Variants in SEMA3B observed in about 807,000 individuals in gnomAD.
SEMA3B encodes the protein semaphorin-3B.
SEMA3B carries 71 observed loss-of-function variants against 77.8 expected under a neutral mutation model. That is an observed-to-expected ratio of 0.91 (90% CI 0.75 to 1.11). The LOEUF (loss-of-function observed/expected upper bound fraction) is 1.11, where lower values mean the gene tolerates loss of function less well. Ranked by LOEUF, SEMA3B falls within the 50% of genes most tolerant of loss-of-function variation. The pLI is 0.00. For synonymous variants in SEMA3B, 470 were observed against 452.9 expected, an observed-to-expected ratio of 1.04 and a Z score of -0.48; for missense variants, 968 against 1,056.8, an observed-to-expected ratio of 0.92 and a Z score of 1.17.
Position 50,276,323 on chromosome 3 carries a change from G to C in SEMA3B, c.1867G>C (p.Glu623Gln). Reference sequence around the variant, plus strand: ...GCAGGTGCTGGCAGAGGAGCGCACCGAGCGCACCGCCCGGGGACTACTGCT... The same window carrying C: ...GCAGGTGCTGGCAGAGGAGCGCACCCAGCGCACCGCCCGGGGACTACTGCT... ...HTQVLAEERT[E>Q]RTARGLLLRR... Residue 623 changes from glutamate (E) to glutamine (Q), a missense_variant, in exon 17 of 17, where the codon GAG becomes CAG. By Grantham distance (29) the Glu-to-Gln change is conservative (BLOSUM62 2). Transcript: ENST00000616701. This position sits in a 1 kb window ranked among gnomAD's most constrained non-coding sequence, Gnocchi z 5.8. 3 of 1,523,452 alleles carry C rather than the reference G, an allele frequency of 2.0e-6. No individual in the cohort carries two copies. The highest frequency in any genetic ancestry group is 1.2e-5 in the South Asian group (1 of 83,198). The allele number at this position is 1,523,452 out of a possible 1,614,324, so 94.4% of individuals were successfully genotyped here.
At position 50,275,308 on chromosome 3, in the gene SEMA3B, C is replaced by T; in HGVS notation, c.1498C>T (p.Leu500=). 1.3e-6 allele frequency: 2 copies of T among 1,566,568 alleles called. No homozygotes were observed. Among genetic ancestry groups the T allele is most frequent in the African/African-American group, 1.4e-5 (1 of 73,938 alleles). The part of the protein sequence containing the change: ...SMQISSKRHQ[L]YVASRSAVAQ... ...AGCCCCTCGTGCCCCCTAGCACCAGCTGTACGTAGCCTCGCGGAGCGCGGT... is the reference window on the plus strand; with the variant it reads ...AGCCCCTCGTGCCCCCTAGCACCAGTTGTACGTAGCCTCGCGGAGCGCGGT... The change falls in exon 14 of 17, where the codon CTG becomes TTG. Residue 500 remains leucine, a synonymous_variant. Transcript: ENST00000616701. The surrounding 1 kb of genome is among the most constrained non-coding windows in gnomAD (Gnocchi z 7.5).
In SEMA3B at chr3:50,273,849, A is replaced by T. The variant is rs1701131715; in HGVS notation, c.992+21A>T. 6.4e-7 allele frequency: 1 copy of T among 1,567,192 alleles called. No individual in the cohort carries two copies. The highest frequency in any genetic ancestry group is 8.7e-7 in the Non-Finnish European group (1 of 1,154,846). On this transcript the variant is annotated intron_variant, in intron 9 of 16. Coordinates refer to ENST00000616701, the MANE Select transcript of SEMA3B (RefSeq NM_001290060.2). The surrounding 1 kb of genome is among the most constrained non-coding windows in gnomAD (Gnocchi z 6.5). ...TCCAGGTGAGGGGCAGGAGGTAGGG[A>T]GCGCCCGGGGCGGGCCGCTGGGCTC... is the stretch of plus-strand genomic sequence containing the variant.
Position 50,276,084 on chromosome 3 carries a change from C to A in SEMA3B, c.1846-218C>A, listed in dbSNP as rs1256172246. Reference sequence around the variant, plus strand: ...CGACCCTCCCATTAAGGTCCCTGACCACCCCCCACCAAGTTCATGTAAACC... The same window carrying A: ...CGACCCTCCCATTAAGGTCCCTGACAACCCCCCACCAAGTTCATGTAAACC... On this transcript the variant is annotated intron_variant, in intron 16 of 16. Transcript: ENST00000616701. This position sits in a 1 kb window ranked among gnomAD's most constrained non-coding sequence, Gnocchi z 5.8. 1.3e-6 allele frequency: 1 copy of A among 784,126 alleles called. No homozygotes were observed. Among genetic ancestry groups the A allele is most frequent in the Non-Finnish European group, 1.9e-6 (1 of 514,122 alleles). 48.6% of individuals were successfully genotyped at this position (784,126 alleles called of 1,614,324 possible).
rs782094401 is a variant in SEMA3B at position 50,274,825 on chromosome 3, C to T, written c.1358-18C>T. ...GTCCGGGAGCACCAATGGTCATTAC[C>T]CCTTCTCATCCCTGCAGACGTTGGC... On this transcript the variant is annotated intron_variant, in intron 11 of 16. Transcript: ENST00000616701. This position sits in a 1 kb window ranked among gnomAD's most constrained non-coding sequence, Gnocchi z 4.7. 5 of 1,608,480 alleles carry T rather than the reference C, an allele frequency of 3.1e-6. No individual in the cohort carries two copies. The African/African-American group carries it at 5.3e-5, about 17-fold the overall frequency.
chr3:50,273,880 G>A lies in SEMA3B; in HGVS notation c.993-33G>A, dbSNP rs1391793834. The A allele has an allele frequency of 1.9e-6, 3 of 1,576,032 alleles. No homozygotes were observed. In the African/African-American group the frequency reaches 4.1e-5, roughly 21 times the overall value. The stretch of plus-strand genomic sequence containing the variant: ...CGGGGCGGGCCGCTGGGCTCCACCC[G>A]GCCCCTCACCTCGCCCTGGTCTTCG... On this transcript the variant is annotated intron_variant, in intron 9 of 16. Transcript: ENST00000616701. The surrounding 1 kb of genome is among the most constrained non-coding windows in gnomAD (Gnocchi z 6.5).
At chr3:50,265,544 G>A (rs1385110274), upstream of SEMA3B, among the ~76,000 whole-genome samples, 1 of 152,216 alleles carries the variant, frequency 6.6e-6, no homozygotes, top group Non-Finnish European at 1.5e-5. Context: ...GCCGTGGTAG[G>A]CCATGCCACT....
At position 50,275,603 on chromosome 3, in the gene SEMA3B, T is replaced by G. The variant is rs782665094; in HGVS notation, c.1693T>G (p.Leu565Val). 1.9e-6 allele frequency: 3 copies of G among 1,613,578 alleles called. No homozygotes were observed. Among genetic ancestry groups the G allele is most frequent in the Non-Finnish European group, 2.5e-6 (3 of 1,179,894 alleles). The change falls in exon 15 of 17, where the codon TTG (leucine) becomes GTG (valine). Residue 565 changes from leucine (L) to valine (V), a missense_variant. By Grantham distance (32) the Leu-to-Val change is conservative (BLOSUM62 1). Transcript: ENST00000616701. This position sits in a 1 kb window ranked among gnomAD's most constrained non-coding sequence, Gnocchi z 7.5. ...CGTAAGGAATGGCGACCCCAGCACG[T>G]TGTGCTCCGGAGGTGAGTGCCCCAG... is the stretch of plus-strand genomic sequence containing the variant. ...QDVRNGDPSTLCSGDSSRPAL... is the reference protein window; with the variant it reads ...QDVRNGDPSTVCSGDSSRPAL...
At chr3:50,265,393 C>T (rs1224592469), upstream of SEMA3B, among the ~76,000 whole-genome samples, 1 of 152,210 alleles carries the variant, frequency 6.6e-6, no homozygotes, top group Non-Finnish European at 1.5e-5. Context: ...CAACCTTCCT[C>T]AGATGGGTGT....
upstream of SEMA3B, chr3:50,266,800 T>A (rs1426213951): frequency 6.6e-6 from 1 of 152,166 alleles, no homozygotes; most frequent in Non-Finnish European, 1.5e-5. Context: ...CAACTGAGGC[T>A]CCGAGGTGCA....
chr3:50,264,370 A>G (rs972082178), upstream of SEMA3B, among the ~76,000 whole-genome samples: 2 of 152,214 alleles, frequency 1.3e-5, no homozygotes, highest in Non-Finnish European at 2.9e-5. Flanking sequence ...CAAGATGCCC[A>G]GAGCTAAGGT....
In SEMA3B at chr3:50,270,168, C is replaced by G; in HGVS notation, c.151C>G (p.Arg51Gly). The change falls in exon 2 of 17, where the codon CGA becomes GGA. Residue 51 changes from arginine to glycine, a missense_variant. Arg to Gly is a moderately radical substitution (Grantham distance 125, BLOSUM62 -2). Coordinates refer to ENST00000616701, the MANE Select transcript of SEMA3B (RefSeq NM_001290060.2). The surrounding 1 kb of genome is among the most constrained non-coding windows in gnomAD (Gnocchi z 4.7). ...TGGTCTCCAGACTTTCAGCCTGGAGCGAACCTGCTGCTACCAGGCCTTGCT... is the reference window on the plus strand; with the variant it reads ...TGGTCTCCAGACTTTCAGCCTGGAGGGAACCTGCTGCTACCAGGCCTTGCT... ...WHGLQTFSLE[R>G]TCCYQALLVD... The G allele has an allele frequency of 6.3e-7, 1 of 1,579,046 alleles. No homozygotes were observed. The highest frequency in any genetic ancestry group is 8.6e-7 in the Non-Finnish European group (1 of 1,164,176).
Position 50,277,074 on chromosome 3 carries a change from G to C in SEMA3B, c.*368G>C, listed in dbSNP as rs1184113758. On this transcript the variant is annotated 3_prime_UTR_variant, in exon 17 of 17. Coordinates refer to ENST00000616701, the MANE Select transcript of SEMA3B (RefSeq NM_001290060.2). The stretch of plus-strand genomic sequence containing the variant: ...TGAGCAGAAAGCTGTGAACAGGCTG[G>C]GCTGCTGGAGGTGGGGCGAGGCAGG... 9 of 270,432 alleles carry C rather than the reference G, an allele frequency of 3.3e-5. No homozygotes were observed. The highest frequency in any genetic ancestry group is 2.0e-4 in the African/African-American group (9 of 45,402). The allele number at this position is 270,432 out of a possible 1,614,324, so 16.8% of individuals were successfully genotyped here.
chr3:50,274,812 C>G lies in SEMA3B; in HGVS notation c.1358-31C>G, dbSNP rs587706600. 6.2e-7 allele frequency: 1 copy of G among 1,604,138 alleles called. No individual in the cohort carries two copies. The highest frequency in any genetic ancestry group is 1.7e-5 in the Admixed American group (1 of 59,258). The stretch of plus-strand genomic sequence containing the variant: ...ACTAGCCCCAGCTGTCCGGGAGCAC[C>G]AATGGTCATTACCCCTTCTCATCCC... On this transcript the variant is annotated intron_variant, in intron 11 of 16. Transcript: ENST00000616701. The surrounding 1 kb of genome is among the most constrained non-coding windows in gnomAD (Gnocchi z 4.7).
At chr3:50,268,899 T>A, upstream of SEMA3B, 1 of 324,648 alleles carries the variant, frequency 3.1e-6, no homozygotes, top group Non-Finnish European at 5.7e-6. Flanking sequence ...TGAATTAATG[T>A]CTGTGAGTGT....
chr3:50,273,677 A>AG lies in SEMA3B; in HGVS notation c.922+37dup. 1 of 1,593,980 alleles carries AG rather than the reference A, an allele frequency of 6.3e-7. No individual in the cohort carries two copies. On this transcript the variant is annotated intron_variant, in intron 8 of 16. Coordinates refer to ENST00000616701, the MANE Select transcript of SEMA3B (RefSeq NM_001290060.2). This position sits in a 1 kb window ranked among gnomAD's most constrained non-coding sequence, Gnocchi z 6.5. ...TGCGGGAGTGGGTATGGGGTTGGGGAGGGGGGCAGCGGCGCAGACTCCGGG... is the reference window on the plus strand; with the variant it reads ...TGCGGGAGTGGGTATGGGGTTGGGGAGGGGGGGCAGCGGCGCAGACTCCGGG...
At chr3:50,272,009 G>A (rs1701067180) in intron 6 of SEMA3B, among the ~76,000 whole-genome samples, 1 of 152,232 alleles carries the variant, frequency 6.6e-6, no homozygotes. Context: ...GGGCACAATG[G>A]CTTGCACCTG....
upstream of SEMA3B, among the ~76,000 whole-genome samples, chr3:50,263,860 C>T (rs782413611): frequency 7.9e-5 from 12 of 151,674 alleles, no homozygotes; most frequent in Admixed American, 6.6e-5. Context: ...GGTTGAGGAC[C>T]CTGGGGTCAA....
At chr3:50,271,054 G>A in intron 4 of SEMA3B, 34 bp from the exon 5 acceptor site, 2 of 1,577,626 alleles carry the variant, frequency 1.3e-6, no homozygotes, top group Non-Finnish European at 1.7e-6. Context: ...AGGGTAAGAA[G>A]GGCCTGGTAG....
chr3:50,274,723 C>A lies in SEMA3B; in HGVS notation c.1358-120C>A. Reference sequence around the variant, plus strand: ...CTGTGGATGCTGCCCAACCCACACTCTTCCAGTCCACACTCTTCACAACCC... The same window carrying A: ...CTGTGGATGCTGCCCAACCCACACTATTCCAGTCCACACTCTTCACAACCC... On this transcript the variant is annotated intron_variant, in intron 11 of 16. Coordinates refer to ENST00000616701, the MANE Select transcript of SEMA3B (RefSeq NM_001290060.2). This position sits in a 1 kb window ranked among gnomAD's most constrained non-coding sequence, Gnocchi z 4.7. 1 of 1,399,492 alleles carries A rather than the reference C, an allele frequency of 7.1e-7. No homozygotes were observed. The highest frequency in any genetic ancestry group is 2.0e-5 in the Admixed American group (1 of 49,774). 86.7% of individuals were successfully genotyped at this position (1,399,492 alleles called of 1,614,324 possible). A position where few individuals can be genotyped will look rare whatever the true frequency, so the allele number is the denominator to read the frequency against.
Sources: gnomAD v4.1 joint callset for allele counts (sites outside exome capture counted in the v4.1 genomes callset) on GRCh38, gnomAD v4.1.1 for gene constraint, Gnocchi (gnomAD v3.1) non-coding constraint, MANE v1.5 for transcripts, NCBI Gene and HGNC (gene_info 2026-07-23, HGNC 2026-07-21) for gene names.